CNTN4: variants seen among roughly 807,000 people sequenced by gnomAD.
CNTN4 encodes contactin-4.
CNTN4 carries 77 observed loss-of-function variants against 122.5 expected under a neutral mutation model. The ratio of observed to expected loss-of-function variants is 0.63; its 90% CI spans 0.52 to 0.76. The LOEUF (loss-of-function observed/expected upper bound fraction) is 0.76. Among genes scored for constraint, CNTN4 ranks in the 30% least tolerant of loss-of-function variants. The pLI, the probability that CNTN4 is intolerant of heterozygous loss-of-function variation, is 0.00. For synonymous variants in CNTN4, 512 were observed against 447.0 expected, an observed-to-expected ratio of 1.15 and a Z score of -1.83; for missense variants, 1,256 against 1,259.1, an observed-to-expected ratio of 1.00 and a Z score of 0.04.
chr3:2,597,779 C>G (rs1314226474), intron 4 of CNTN4, among the ~76,000 whole-genome samples: 1 of 152,110 alleles, frequency 6.6e-6, no homozygotes, highest in African/African-American at 2.4e-5. Flanking sequence ...TGGATAATGA[C>G]CTGACAGCGT....
In CNTN4 at chr3:2,566,826, A is replaced by T. The variant is rs542334369; in HGVS notation, c.-88-4590A>T. On this transcript the variant is annotated intron_variant, in intron 3 of 24. Coordinates refer to ENST00000418658, the MANE Select transcript of CNTN4 (RefSeq NM_175607.3). ...TCCAGGAAGAACTCAGTGTGCGTGA[A>T]TCCGTGTTTTCCCACTCTGTCTTGC... Among the ~76,000 whole-genome samples, 34 of 152,292 alleles carry T rather than the reference A, an allele frequency of 2.2e-4. 1 individual carries two copies. The South Asian group carries it at 6.8e-3, about 31-fold the overall frequency.
intron 7 of CNTN4, among the ~76,000 whole-genome samples, chr3:2,852,914 T>A (rs1212916642): frequency 6.6e-5 from 10 of 152,328 alleles, no homozygotes; most frequent in Non-Finnish European, 1.3e-4. Context: ...TGCAAGTCTT[T>A]GTGTTATTGT....
intron 2 of CNTN4, among the ~76,000 whole-genome samples, chr3:2,171,859 G>A (rs1477120605): frequency 6.6e-6 from 1 of 152,170 alleles, no homozygotes; most frequent in Non-Finnish European, 1.5e-5. Context: ...TTGGGTTCTA[G>A]TCTAGACTCT....
At chr3:2,421,044 C>T (rs1432251305) in intron 3 of CNTN4, among the ~76,000 whole-genome samples, 2 of 152,138 alleles carry the variant, frequency 1.3e-5, no homozygotes, top group Non-Finnish European at 2.9e-5. Context: ...AACTAAGACA[C>T]ACCCCACACC....
At chr3:2,872,612 C>G (rs2150894103) in intron 8 of CNTN4, among the ~76,000 whole-genome samples, 1 of 152,160 alleles carries the variant, frequency 6.6e-6, no homozygotes, top group East Asian at 1.9e-4. Flanking sequence ...ATTGGAACTC[C>G]ACATAGAAGA....
At chr3:2,142,563 G>A (rs1333668692) in intron 2 of CNTN4, among the ~76,000 whole-genome samples, 3 of 152,004 alleles carry the variant, frequency 2.0e-5, no homozygotes, top group East Asian at 1.9e-4. Flanking sequence ...GGCTGGTCTC[G>A]ACGTCCTGAC....
chr3:2,987,344 G>T (rs1304154386), intron 13 of CNTN4, among the ~76,000 whole-genome samples: 1 of 152,192 alleles, frequency 6.6e-6, no homozygotes, highest in African/African-American at 2.4e-5. Context: ...ATAGCTTTAA[G>T]CCAGGAGAGT....
In CNTN4 at chr3:2,453,585, T is replaced by C. The variant is rs1024886412; in HGVS notation, c.-89+114352T>C. ...GCCGTGTTCATGATCATGTAGCTTT[T>C]CAGAGGCACGGCTTCAAAATTTGTT... is the stretch of plus-strand genomic sequence containing the variant. On this transcript the variant is annotated intron_variant, in intron 3 of 24. Transcript: ENST00000418658. 3.4e-4 allele frequency among the ~76,000 whole-genome samples: 52 copies of C among 152,262 alleles called. 1 individual carries two copies. The highest frequency in any genetic ancestry group is 3.2e-4 in the Non-Finnish European group (22 of 68,014).
Position 2,352,724 on chromosome 3 carries a change from T to C in CNTN4, c.-89+13491T>C, listed in dbSNP as rs548373223. ...CTCTCCGACAGGTGCCACCCCCTGC[T>C]CTGTGGCACCCAGTCCCATCAACCG... is the stretch of plus-strand genomic sequence containing the variant. On this transcript the variant is annotated intron_variant, in intron 3 of 24. Coordinates refer to ENST00000418658, the MANE Select transcript of CNTN4 (RefSeq NM_175607.3). Among the ~76,000 whole-genome samples, 165 of 152,270 alleles carry C rather than the reference T, an allele frequency of 1.1e-3. 1 individual carries two copies. Among genetic ancestry groups the C allele is most frequent in the Middle Eastern group, 3.4e-3 (1 of 294 alleles).
intron 2 of CNTN4, among the ~76,000 whole-genome samples, chr3:2,155,199 CTCTG>C (rs1360607874): frequency 6.6e-6 from 1 of 152,218 alleles, no homozygotes; most frequent in Non-Finnish European, 1.5e-5. Flanking sequence ...ATTTTCCCAT[CTCTG>C]TCTCTCTCTA....
chr3:2,324,395 G>C (rs2043379596), intron 2 of CNTN4, among the ~76,000 whole-genome samples: 1 of 152,156 alleles, frequency 6.6e-6, no homozygotes, highest in South Asian at 2.1e-4. Context: ...GTAGTATGAA[G>C]TTTATGAGTT....
chr3:2,641,317 A>G (rs536912591), intron 4 of CNTN4, among the ~76,000 whole-genome samples: 2 of 152,258 alleles, frequency 1.3e-5, no homozygotes, highest in African/African-American at 4.8e-5. Context: ...ATTGGTGTAC[A>G]TTCTGTTGAA....
At chr3:2,604,068 A>T (rs2081158138) in intron 4 of CNTN4, among the ~76,000 whole-genome samples, 1 of 152,172 alleles carries the variant, frequency 6.6e-6, no homozygotes, top group African/African-American at 2.4e-5. Flanking sequence ...TAACATTTCT[A>T]CTTGGAAGTG....
At chr3:2,170,277 G>A (rs573066786) in intron 2 of CNTN4, among the ~76,000 whole-genome samples, 2,213 of 151,074 alleles carry the variant, frequency 0.015, 27 homozygotes, top group Admixed American at 0.028. Flanking sequence ...CCGAGATCGC[G>A]CCACCGCACT....
At chr3:2,545,310 A>T (rs765331685) in intron 3 of CNTN4, among the ~76,000 whole-genome samples, 1 of 152,040 alleles carries the variant, frequency 6.6e-6, no homozygotes, top group African/African-American at 2.4e-5. Context: ...AGTATGTGTC[A>T]TGTGGAGATG....
At chr3:2,616,976 A>T (rs962862466) in intron 4 of CNTN4, among the ~76,000 whole-genome samples, 1 of 152,176 alleles carries the variant, frequency 6.6e-6, no homozygotes, top group Non-Finnish European at 1.5e-5. Context: ...CTTACACCTT[A>T]TACGAAAATT....
At chr3:2,221,789 A>G (rs919486848) in intron 2 of CNTN4, among the ~76,000 whole-genome samples, 11 of 152,200 alleles carry the variant, frequency 7.2e-5, no homozygotes, top group African/African-American at 2.2e-4. Flanking sequence ...TGCATATGAA[A>G]CAATGCTCAA....
At chr3:2,384,472 T>C (rs1455487259) in intron 3 of CNTN4, among the ~76,000 whole-genome samples, 1 of 152,220 alleles carries the variant, frequency 6.6e-6, no homozygotes, top group Admixed American at 6.5e-5. Flanking sequence ...TTAGATTTAA[T>C]GTTAGAGAAT....
chr3:2,605,969 A>G (rs2081240256), intron 4 of CNTN4, among the ~76,000 whole-genome samples: 1 of 152,206 alleles, frequency 6.6e-6, no homozygotes, highest in Admixed American at 6.5e-5. Flanking sequence ...TTGGACAGGC[A>G]AGGCCTTGGG....
Sources: gnomAD v4.1 joint callset for allele counts (sites outside exome capture counted in the v4.1 genomes callset) on GRCh38, gnomAD v4.1.1 for gene constraint, MANE v1.5 for transcripts, NCBI Gene and HGNC (gene_info 2026-07-23, HGNC 2026-07-21) for gene names.